SUCLG2: variants seen among roughly 807,000 people sequenced by gnomAD.
SUCLG2 encodes the protein succinate--CoA ligase [GDP-forming] subunit beta, mitochondrial.
SUCLG2 carries 42 observed loss-of-function variants against 47.9 expected under a neutral mutation model. The ratio of observed to expected loss-of-function variants is 0.88; its 90% CI spans 0.69 to 1.14. SUCLG2 has a LOEUF of 1.14. Among genes scored for constraint, SUCLG2 ranks in the 50% most tolerant of loss-of-function variants. SUCLG2 has a pLI of 0.00. For missense variants in SUCLG2, 571 were observed against 525.9 expected, an observed-to-expected ratio of 1.09 and a Z score of -0.84; for synonymous variants, 195 against 197.3, an observed-to-expected ratio of 0.99 and a Z score of 0.10.
At chr3:67,567,288 T>A (rs1315875727) in intron 2 of SUCLG2, among the ~76,000 whole-genome samples, 1 of 133,604 alleles carries the variant, frequency 7.5e-6, no homozygotes, top group Non-Finnish European at 1.6e-5. Context: ...CTATACTTCC[T>A]ATATCAGGAT....
At chr3:67,461,688 C>A (rs551182827) in intron 9 of SUCLG2, among the ~76,000 whole-genome samples, 2 of 152,108 alleles carry the variant, frequency 1.3e-5, no homozygotes, top group Admixed American at 1.3e-4. Flanking sequence ...CTGACCTCTT[C>A]CTGCCAGATG....
chr3:67,590,909 G>A (rs1490506260), intron 2 of SUCLG2, among the ~76,000 whole-genome samples: 3 of 152,014 alleles, frequency 2.0e-5, no homozygotes, highest in African/African-American at 7.3e-5. Context: ...GACATTAAGA[G>A]AGAGAGAGTT....
chr3:67,379,733 C>T (rs969610315), intron 10 of SUCLG2, among the ~76,000 whole-genome samples: 1 of 152,232 alleles, frequency 6.6e-6, no homozygotes, highest in African/African-American at 2.4e-5. Flanking sequence ...CCTCTCTCCA[C>T]TGGGCTGACA....
intron 2 of SUCLG2, among the ~76,000 whole-genome samples, chr3:67,561,060 C>T (rs759173685): frequency 3.4e-5 from 5 of 148,186 alleles, no homozygotes; most frequent in African/African-American, 5.0e-5. Context: ...CCACAAGATG[C>T]TAAAAGAACA....
intron 9 of SUCLG2, among the ~76,000 whole-genome samples, chr3:67,474,500 G>A (rs932814838): frequency 6.6e-6 from 1 of 152,056 alleles, no homozygotes; most frequent in Non-Finnish European, 1.5e-5. Flanking sequence ...TAAATGACTT[G>A]GCCCCCTTTC....
Position 67,383,559 on chromosome 3 carries a change from T to C in SUCLG2, c.1184-7700A>G, listed in dbSNP as rs370563295. 1.3e-4 allele frequency among the ~76,000 whole-genome samples: 20 copies of C among 152,294 alleles called. No individual in the cohort carries two copies. The South Asian group carries it at 4.1e-3, about 32-fold the overall frequency. ...AAGAAATCAACACTCGAGGTGTGAA[T>C]GTGATAGTTATTCGGACCATCACAG... On this transcript the variant is annotated intron_variant, in intron 10 of 10. Transcript: ENST00000307227.
intron 2 of SUCLG2, among the ~76,000 whole-genome samples, chr3:67,580,416 T>C (rs1486539311): frequency 6.6e-6 from 1 of 152,228 alleles, no homozygotes; most frequent in Non-Finnish European, 1.5e-5. Context: ...ATTTTATTTT[T>C]TGAAAAATTT....
At chr3:67,371,743 T>A (rs1200968838), downstream of SUCLG2, among the ~76,000 whole-genome samples, 2 of 152,160 alleles carry the variant, frequency 1.3e-5, no homozygotes, top group African/African-American at 2.4e-5. Flanking sequence ...TGATCATAAG[T>A]GGCATAACCT....
At chr3:67,470,461 A>G (rs919343010) in intron 9 of SUCLG2, among the ~76,000 whole-genome samples, 10 of 152,212 alleles carry the variant, frequency 6.6e-5, no homozygotes, top group African/African-American at 2.4e-4. Flanking sequence ...TTTAATTGCC[A>G]TTGTAACAGT....
Position 67,520,628 on chromosome 3 carries a change from C to T in SUCLG2, c.424G>A (p.Val142Ile). 1 of 1,607,676 alleles carries T rather than the reference C, an allele frequency of 6.2e-7. No homozygotes were observed. Among genetic ancestry groups the T allele is most frequent in the Non-Finnish European group, 8.5e-7 (1 of 1,178,084 alleles). The part of the protein sequence containing the change: ...KEGVKVNKVM[V>I]AEALDISRET... ...CTGGAAATATCCAAGGCTTCAGCAA[C>T]CATCACCTACCACATTAGTGGGAAA... Residue 142 changes from valine (V) to isoleucine (I), a missense_variant, in exon 5 of 11, where the codon GTT becomes ATT. Coordinates refer to ENST00000307227, the MANE Select transcript of SUCLG2 (RefSeq NM_003848.4).
intron 9 of SUCLG2, among the ~76,000 whole-genome samples, chr3:67,404,916 T>C (rs963745892): frequency 9.9e-5 from 15 of 152,006 alleles, no homozygotes; most frequent in Admixed American, 9.8e-4. Context: ...TGTTCCATGA[T>C]GATACCAACA....
chr3:67,638,075 A>G (rs1701038585), intron 1 of SUCLG2, among the ~76,000 whole-genome samples: 1 of 152,218 alleles, frequency 6.6e-6, no homozygotes, highest in South Asian at 2.1e-4. Context: ...ACAATTTTAA[A>G]AAGCTTTAAA....
Position 67,377,442 on chromosome 3 carries a change from G to C in SUCLG2, c.1184-1583C>G, listed in dbSNP as rs567638615. Among the ~76,000 whole-genome samples the C allele has an allele frequency of 4.6e-5, 7 of 152,068 alleles. No individual in the cohort carries two copies. In the South Asian group the frequency reaches 1.5e-3, roughly 32 times the overall value. ...TCCTCTTCTGCAGTAGAGTGCTATT[G>C]CTGGAAAGCAGCTGCCCAGCCAGAA... On this transcript the variant is annotated intron_variant, in intron 10 of 10. Coordinates refer to ENST00000307227, the MANE Select transcript of SUCLG2 (RefSeq NM_003848.4).
chr3:67,524,224 C>T (rs1021149190), intron 4 of SUCLG2, among the ~76,000 whole-genome samples: 16 of 152,288 alleles, frequency 1.1e-4, no homozygotes, highest in African/African-American at 3.6e-4. Flanking sequence ...AAGAGCTTCA[C>T]CTGTGAGTTA....
intron 2 of SUCLG2, among the ~76,000 whole-genome samples, chr3:67,581,399 T>C (rs1707874366): frequency 6.6e-6 from 1 of 152,234 alleles, no homozygotes; most frequent in Non-Finnish European, 1.5e-5. Flanking sequence ...TCAAAAGGAC[T>C]GGAAGGTCTG....
intron 9 of SUCLG2, among the ~76,000 whole-genome samples, chr3:67,478,464 G>A (rs1031082123): frequency 1.3e-5 from 2 of 152,100 alleles, no homozygotes; most frequent in African/African-American, 4.8e-5. Context: ...TGACCCTTTC[G>A]GTTGGATAAT....
intron 2 of SUCLG2, among the ~76,000 whole-genome samples, chr3:67,552,078 A>AT (rs1707028466): frequency 6.6e-6 from 1 of 151,816 alleles, no homozygotes; most frequent in South Asian, 2.1e-4. Flanking sequence ...ATATGACCAG[A>AT]ACTCCTGATG....
chr3:67,432,202 C>T (rs915681187), intron 9 of SUCLG2, among the ~76,000 whole-genome samples: 3 of 152,162 alleles, frequency 2.0e-5, no homozygotes, highest in African/African-American at 7.2e-5. Flanking sequence ...TACTTTTAAA[C>T]CCAGCAACAG....
At chr3:67,528,102 A>G (rs908173024) in intron 4 of SUCLG2, 30 bp downstream of exon 4, 1 of 1,586,506 alleles carries the variant, frequency 6.3e-7, no homozygotes, top group African/African-American at 1.3e-5. Flanking sequence ...TAACACATAT[A>G]TAGAAAATGA....
Sources: allele counts gnomAD v4.1 joint callset (sites outside exome capture counted in the v4.1 genomes callset), GRCh38; gene constraint gnomAD v4.1.1; transcripts MANE v1.5; gene names NCBI Gene and HGNC (gene_info 2026-07-23, HGNC 2026-07-21).